Variants in BICC1 observed in about 807,000 individuals in gnomAD.
The protein encoded by BICC1 is protein bicaudal C homolog 1.
In BICC1, 43 loss-of-function variants were observed where a neutral mutation model predicts 111.0. The ratio of observed to expected loss-of-function variants is 0.39; its 90% CI spans 0.30 to 0.50. The LOEUF (loss-of-function observed/expected upper bound fraction) is 0.50. BICC1 is among the 20% of genes least tolerant of loss of function. The probability of loss-of-function intolerance (pLI) is 0.88; values close to 1 mark genes in which losing one functional copy is unlikely to be tolerated. For synonymous variants in BICC1, 467 were observed against 434.4 expected (o/e 1.07, Z -0.93); for missense variants, 1,091 against 1,203.2 (o/e 0.91, Z 1.38).
intron 2 of BICC1, among the ~76,000 whole-genome samples, chr10:58,676,249 G>A: frequency 6.6e-6 from 1 of 152,138 alleles, no homozygotes; most frequent in South Asian, 2.1e-4. Context: ...ATACCCTAGT[G>A]GCACCTGGAA....
chr10:58,769,402 GTGTATATA>G (rs1446550410), intron 3 of BICC1, among the ~76,000 whole-genome samples: 5 of 112,254 alleles, frequency 4.5e-5, no homozygotes, highest in Middle Eastern at 5.0e-3. Flanking sequence ...GTGTGTGTGT[GTGTATATA>G]TATATATATA....
At chr10:58,629,933 C>CTAGGCT (rs1837742727) in intron 2 of BICC1, among the ~76,000 whole-genome samples, 1 of 152,156 alleles carries the variant, frequency 6.6e-6, no homozygotes, top group African/African-American at 2.4e-5. Flanking sequence ...TTTTAAATTT[C>CTAGGCT]TAGGCTTTGT....
intron 1 of BICC1, among the ~76,000 whole-genome samples, chr10:58,591,482 G>A (rs1409898128): frequency 1.3e-5 from 2 of 152,210 alleles, no homozygotes; most frequent in African/African-American, 4.8e-5. Flanking sequence ...GATGGAAGGG[G>A]CAAAGGACCT....
intron 3 of BICC1, among the ~76,000 whole-genome samples, chr10:58,735,712 G>A (rs1841445986): frequency 6.6e-6 from 1 of 152,154 alleles, no homozygotes; most frequent in Non-Finnish European, 1.5e-5. Flanking sequence ...CTGCCTCCCT[G>A]AGTTTCACAG....
chr10:58,738,293 A>G (rs1239450976), intron 3 of BICC1, among the ~76,000 whole-genome samples: 2 of 152,022 alleles, frequency 1.3e-5, no homozygotes, highest in East Asian at 3.9e-4. Flanking sequence ...ATCCAGTTTC[A>G]GCTTTCTCCA....
intron 19 of BICC1, among the ~76,000 whole-genome samples, chr10:58,818,404 A>G (rs888401373): frequency 3.9e-5 from 6 of 152,194 alleles, no homozygotes; most frequent in Admixed American, 3.9e-4. Context: ...AAAGTGTCAG[A>G]AAATTAAAAT....
chr10:58,816,228 G>A (rs1019201636), intron 18 of BICC1, among the ~76,000 whole-genome samples: 2 of 152,060 alleles, frequency 1.3e-5, no homozygotes, highest in East Asian at 1.9e-4. Flanking sequence ...TTTGCTTATC[G>A]CAGTCCACTT....
At chr10:58,575,949 T>A (rs1172371345) in intron 1 of BICC1, among the ~76,000 whole-genome samples, 1 of 152,220 alleles carries the variant, frequency 6.6e-6, no homozygotes, top group Admixed American at 6.5e-5. Flanking sequence ...ATTTTAATAT[T>A]TGAGCATTTA....
chr10:58,709,651 G>A (rs1040177319), intron 3 of BICC1, among the ~76,000 whole-genome samples: 27 of 152,150 alleles, frequency 1.8e-4, no homozygotes, highest in African/African-American at 6.0e-4. Flanking sequence ...GTGTCATGTA[G>A]GAAAAAGATT....
chr10:58,651,899 T>G (rs1326969125), intron 2 of BICC1, among the ~76,000 whole-genome samples: 3 of 152,192 alleles, frequency 2.0e-5, no homozygotes, highest in Non-Finnish European at 4.4e-5. Flanking sequence ...GTGCATCCTT[T>G]TCTTGAGATA....
intron 2 of BICC1, among the ~76,000 whole-genome samples, chr10:58,652,199 C>G (rs1838470365): frequency 1.3e-5 from 2 of 152,198 alleles, no homozygotes; most frequent in South Asian, 4.2e-4. Context: ...AATCTATCAT[C>G]TCTAGAGTTT....
intron 2 of BICC1, among the ~76,000 whole-genome samples, chr10:58,656,861 A>G (rs1435080207): frequency 6.6e-6 from 1 of 152,200 alleles, no homozygotes; most frequent in Non-Finnish European, 1.5e-5. Flanking sequence ...TCCGACCTTC[A>G]GTAAATCACA....
At chr10:58,747,303 G>A (rs1285430190) in intron 3 of BICC1, among the ~76,000 whole-genome samples, 2 of 152,006 alleles carry the variant, frequency 1.3e-5, no homozygotes, top group Non-Finnish European at 2.9e-5. Flanking sequence ...AAGATGTGAA[G>A]AAGACAGCCT....
At position 58,608,109 on chromosome 10, in the gene BICC1, A is replaced by G. The variant is rs16912424; in HGVS notation, c.191-12746A>G. ...TCACTGGTATTATACTCCTAGTATT[A>G]TACAACCCCTTTGTGGGTGTTCTGG... On this transcript the variant is annotated intron_variant, in intron 1 of 20. Transcript: ENST00000373886. Among the ~76,000 whole-genome samples, 640 of 152,328 alleles carry G rather than the reference A, an allele frequency of 4.2e-3. 37 individuals carry two copies. The East Asian group carries it at 0.11, about 27-fold the overall frequency.
rs539011384 is a variant in BICC1 at position 58,525,212 on chromosome 10, G to A, written c.190+11879G>A. 5.5e-5 allele frequency among the ~76,000 whole-genome samples: 7 copies of A among 126,264 alleles called. No homozygotes were observed. In the South Asian group the frequency reaches 1.3e-3, roughly 23 times the overall value. The allele number at this position is 126,264 out of a possible 152,430, so 82.8% of individuals were successfully genotyped here. On this transcript the variant is annotated intron_variant, in intron 1 of 20. Coordinates refer to ENST00000373886, the MANE Select transcript of BICC1 (RefSeq NM_001080512.3). The stretch of plus-strand genomic sequence containing the variant: ...TTTGACCCAGCAATCCCATTACTGG[G>A]TATATACCCAAAGGATTATAAATCA...
chr10:58,566,380 C>T (rs566762802), intron 1 of BICC1, among the ~76,000 whole-genome samples: 1 of 152,000 alleles, frequency 6.6e-6, no homozygotes, highest in East Asian at 1.9e-4. Flanking sequence ...ATGTACACCA[C>T]GATTTCTTTA....
At chr10:58,695,111 C>G (rs1277826314) in intron 2 of BICC1, among the ~76,000 whole-genome samples, 1 of 152,162 alleles carries the variant, frequency 6.6e-6, no homozygotes, top group Non-Finnish European at 1.5e-5. Context: ...ATACTGGGTG[C>G]ACATGAGGAA....
intron 3 of BICC1, among the ~76,000 whole-genome samples, chr10:58,711,761 T>C (rs1330618985): frequency 2.0e-5 from 3 of 152,052 alleles, no homozygotes; most frequent in African/African-American, 2.4e-5. Context: ...TTTTCAGTTA[T>C]CTTCTCAAGC....
rs983375978 is a variant in BICC1, at chr10:58,813,998, G to A, written c.2533+12G>A. On this transcript the variant is annotated intron_variant, in intron 18 of 20. Coordinates refer to ENST00000373886, the MANE Select transcript of BICC1 (RefSeq NM_001080512.3). ...ACAAAACAAATCAAGTGAGCGTTGTGTTTTATGCACACTTTTAGGTATCCC... is the reference window on the plus strand; with the variant it reads ...ACAAAACAAATCAAGTGAGCGTTGTATTTTATGCACACTTTTAGGTATCCC... 2 of 1,613,822 alleles carry A rather than the reference G, an allele frequency of 1.2e-6. No individual in the cohort carries two copies. The highest frequency in any genetic ancestry group is 8.5e-7 in the Non-Finnish European group (1 of 1,179,760).
Sources: allele counts gnomAD v4.1 joint callset (sites outside exome capture counted in the v4.1 genomes callset), GRCh38; gene constraint gnomAD v4.1.1; transcripts MANE v1.5; gene names NCBI Gene and HGNC (gene_info 2026-07-23, HGNC 2026-07-21).